The following RAB11FIP4 variants were observed in gnomAD, a reference collection of about 807,000 sequenced individuals.
The protein encoded by RAB11FIP4 is RAB11 family interacting protein 4.
In RAB11FIP4, 23 loss-of-function variants were observed where a neutral mutation model predicts 74.3. The observed-to-expected ratio is 0.31, with a 90% CI of 0.22 to 0.44. The LOEUF (loss-of-function observed/expected upper bound fraction) is 0.44. Among genes scored for constraint, RAB11FIP4 ranks in the 20% least tolerant of loss-of-function variants. RAB11FIP4 has a pLI of 1.00. For missense variants in RAB11FIP4, 630 were observed against 863.9 expected, an observed-to-expected ratio of 0.73 and a Z score of 3.39; for synonymous variants, 360 against 359.9, an observed-to-expected ratio of 1.00 and a Z score of 0.00.
chr17:31,514,557 G>T (rs1226468512), intron 3 of RAB11FIP4, among the ~76,000 whole-genome samples: 7 of 152,224 alleles, frequency 4.6e-5, no homozygotes, highest in Non-Finnish European at 1.0e-4. Context: ...CAGCTCATCG[G>T]GCTGCGGTGA....
intron 1 of RAB11FIP4, among the ~76,000 whole-genome samples, chr17:31,407,040 A>ATTTTTTTTTTTTTTTTTTTTTT: frequency 2.0e-5 from 1 of 51,214 alleles, no homozygotes; most frequent in East Asian, 5.8e-4. Context: ...GTTTCACTTG[A>ATTTTTTTTTTTTTTTTTTTTTT]TTTTTTTTTT....
At chr17:31,392,039 C>G (rs1466469988) in intron 1 of RAB11FIP4, 28 bp downstream of exon 1, 2 of 1,252,620 alleles carry the variant, frequency 1.6e-6, no homozygotes, top group East Asian at 6.5e-5. Flanking sequence ...CAGTCCCGGC[C>G]CGGGGACCCC....
At chr17:31,445,532 T>TTTTATATA (rs2071443936) in intron 3 of RAB11FIP4, among the ~76,000 whole-genome samples, 1 of 36,592 alleles carries the variant, frequency 2.7e-5, no homozygotes, top group African/African-American at 1.7e-4. Context: ...TTTCCCAATT[T>TTTTATATA]TATATATATA....
chr17:31,537,276 C>T lies in RAB11FIP4; in HGVS notation c.*5544C>T, dbSNP rs2072981417. 1 of 398,924 alleles carries T rather than the reference C, an allele frequency of 2.5e-6. No individual in the cohort carries two copies. Among genetic ancestry groups the T allele is most frequent in the Admixed American group, 4.4e-5 (1 of 22,732 alleles). The allele number at this position is 398,924 out of a possible 1,614,324, so 24.7% of individuals were successfully genotyped here. On this transcript the variant is annotated 3_prime_UTR_variant, in exon 15 of 15. Transcript: ENST00000621161. ...ACGTGCCTCCCCCAGGTGAGGCCAG[C>T]TCTCCCGGGCACATTCGTCCACAAG...
chr17:31,517,161 C>T (rs902972915), intron 3 of RAB11FIP4, among the ~76,000 whole-genome samples: 1 of 84,322 alleles, frequency 1.2e-5, no homozygotes, highest in Non-Finnish European at 2.4e-5. Context: ...ATCTGCCAGG[C>T]AGAAAAGGTT....
At chr17:31,462,911 C>T (rs185186477) in intron 3 of RAB11FIP4, among the ~76,000 whole-genome samples, 1 of 152,302 alleles carries the variant, frequency 6.6e-6, no homozygotes, top group Admixed American at 6.5e-5. Context: ...GCTGGCATTA[C>T]AGGCGTGAGC....
intron 1 of RAB11FIP4, among the ~76,000 whole-genome samples, chr17:31,402,818 G>A (rs371528513): frequency 2.0e-5 from 3 of 151,610 alleles, no homozygotes; most frequent in Non-Finnish European, 2.9e-5. Context: ...GTAGAGACGG[G>A]GTTTCACCGT....
intron 1 of RAB11FIP4, among the ~76,000 whole-genome samples, chr17:31,415,305 G>C (rs923031363): frequency 2.6e-5 from 4 of 152,214 alleles, no homozygotes; most frequent in African/African-American, 9.7e-5. Context: ...GGAGGGGCAG[G>C]ATAGTGGTGA....
At chr17:31,405,195 G>T (rs2071031165) in intron 1 of RAB11FIP4, among the ~76,000 whole-genome samples, 1 of 152,018 alleles carries the variant, frequency 6.6e-6, no homozygotes, top group Admixed American at 6.6e-5. Context: ...AGAAGGGGAG[G>T]GTCAGAGGGA....
intron 3 of RAB11FIP4, among the ~76,000 whole-genome samples, chr17:31,453,089 G>A (rs1445454037): frequency 6.6e-5 from 10 of 152,090 alleles, no homozygotes; most frequent in Non-Finnish European, 1.3e-4. Context: ...GGTGGCTCAC[G>A]CCTGTAATTC....
rs750299000 is a variant in RAB11FIP4, at chr17:31,448,746, T to C, written c.336+14624T>C. On this transcript the variant is annotated intron_variant, in intron 3 of 14. Coordinates refer to ENST00000621161, the MANE Select transcript of RAB11FIP4 (RefSeq NM_032932.6). ...TCTTTGTCTGGGGCTGCCCTGAACC[T>C]GTAAGAATCCTTCTGACCAGATCCT... 1.4e-4 allele frequency among the ~76,000 whole-genome samples: 21 copies of C among 152,150 alleles called. No homozygotes were observed. In the South Asian group the frequency reaches 1.9e-3, roughly 14 times the overall value.
In RAB11FIP4 at chr17:31,517,681, G is replaced by T. The variant is rs145415010; in HGVS notation, c.367G>T (p.Asp123Tyr). Reference sequence around the variant, plus strand: ...CGAGGTCACAGGCCCCACCTTTGCTGATGGCGAGCTCATCCCCAGGGAACC... The same window carrying T: ...CGAGGTCACAGGCCCCACCTTTGCTTATGGCGAGCTCATCCCCAGGGAACC... ...GSEVTGPTFA[D>Y]GELIPREPGF... Residue 123 changes from aspartate (D) to tyrosine (Y), a missense_variant, in exon 4 of 15, where the codon GAT becomes TAT. Asp to Tyr is a radical substitution (Grantham distance 160). Coordinates refer to ENST00000621161, the MANE Select transcript of RAB11FIP4 (RefSeq NM_032932.6). 2.0e-4 allele frequency: 318 copies of T among 1,607,702 alleles called. 2 individuals are homozygous for T. The highest frequency in any genetic ancestry group is 6.6e-4 in the Admixed American group (39 of 59,066).
chr17:31,445,561 T>C (rs1597920839), intron 3 of RAB11FIP4, among the ~76,000 whole-genome samples: 1 of 12,608 alleles, frequency 7.9e-5, no homozygotes, highest in African/African-American at 2.6e-4. Flanking sequence ...TATATATATA[T>C]ATATATATAT....
intron 3 of RAB11FIP4, among the ~76,000 whole-genome samples, chr17:31,491,763 C>A (rs2142753907): frequency 6.6e-6 from 1 of 152,308 alleles, no homozygotes; most frequent in African/African-American, 2.4e-5. Context: ...GACTAGAAAT[C>A]CACAGGCACG....
chr17:31,430,498 C>T (rs1371015513), intron 1 of RAB11FIP4, among the ~76,000 whole-genome samples: 2 of 151,484 alleles, frequency 1.3e-5, no homozygotes, highest in East Asian at 3.9e-4. Context: ...GCTAGGACTA[C>T]AGGCGCCCGC....
chr17:31,446,879 A>G (rs1015693017), intron 3 of RAB11FIP4, among the ~76,000 whole-genome samples: 2 of 152,198 alleles, frequency 1.3e-5, no homozygotes, highest in Non-Finnish European at 2.9e-5. Flanking sequence ...TTTTGAAGAT[A>G]AGAAAGAAGC....
intron 3 of RAB11FIP4, among the ~76,000 whole-genome samples, chr17:31,505,570 TAATA>T (rs2072318860): frequency 1.1e-5 from 1 of 87,926 alleles, no homozygotes; most frequent in Non-Finnish European, 2.1e-5. Context: ...TTATAATATA[TAATA>T]ATATATAATA....
intron 3 of RAB11FIP4, among the ~76,000 whole-genome samples, chr17:31,451,942 T>C (rs1195398890): frequency 1.3e-5 from 2 of 152,126 alleles, no homozygotes; most frequent in Admixed American, 1.3e-4. Flanking sequence ...GGGATACATG[T>C]GATATTTCGA....
intron 3 of RAB11FIP4, among the ~76,000 whole-genome samples, chr17:31,480,585 C>G (rs1461738096): frequency 6.6e-6 from 1 of 151,924 alleles, no homozygotes; most frequent in African/African-American, 2.4e-5. Context: ...GTCAGGAGAT[C>G]GAGACCACCC....
Sources: allele counts gnomAD v4.1 joint callset (sites outside exome capture counted in the v4.1 genomes callset), GRCh38; gene constraint gnomAD v4.1.1; transcripts MANE v1.5; gene names NCBI Gene and HGNC (gene_info 2026-07-23, HGNC 2026-07-21).